The following TGFBR3 variants were observed in gnomAD, a reference collection of about 807,000 sequenced individuals.
The protein encoded by TGFBR3 is transforming growth factor beta receptor 3.
Under a neutral mutation model 87.9 loss-of-function variants are expected in TGFBR3, and 46 were observed. The observed-to-expected ratio is 0.52, with a 90% CI of 0.41 to 0.67. TGFBR3 has a LOEUF of 0.67. Among genes scored for constraint, TGFBR3 ranks in the 30% least tolerant of loss-of-function variants. The pLI is 0.00. For synonymous variants in TGFBR3, 381 were observed against 391.6 expected (o/e 0.97, Z 0.32); for missense variants, 866 against 1,041.9 (o/e 0.83, Z 2.32).
Position 91,681,138 on chromosome 1 carries a change from A to G in TGFBR3, c.*2601T>C, listed in dbSNP as rs1020128274. ...CTGAAATACAACAATACTTTTAAAG[A>G]AACTTGTAGTACACGTTATAAAAGT... On this transcript the variant is annotated 3_prime_UTR_variant, in exon 17 of 17. Transcript: ENST00000212355. 2 of 454,036 alleles carry G rather than the reference A, an allele frequency of 4.4e-6. No homozygotes were observed. The highest frequency in any genetic ancestry group is 4.0e-5 in the African/African-American group (2 of 50,014). The allele number at this position is 454,036 out of a possible 1,614,324, so 28.1% of individuals were successfully genotyped here.
At chr1:91,905,006 T>C (rs1302372555) in intron 1 of TGFBR3, among the ~76,000 whole-genome samples, 1 of 152,150 alleles carries the variant, frequency 6.6e-6, no homozygotes, top group Non-Finnish European at 1.5e-5. Flanking sequence ...GGCCAGATTC[T>C]TTACCTGTAA....
rs61260637 is a variant in TGFBR3, at chr1:91,882,040, A to AAAATAAATAAATAAAT, written c.-114+3822_-114+3837dup. Among the ~76,000 whole-genome samples, 60 of 146,450 alleles carry AAAATAAATAAATAAAT rather than the reference A, an allele frequency of 4.1e-4. 1 individual carries two copies. The highest frequency in any genetic ancestry group is 4.0e-4 in the East Asian group (2 of 4,996). On this transcript the variant is annotated intron_variant, in intron 1 of 16. Transcript: ENST00000212355. ...GACGACAGAGCGAAACTTTGTCTCA[A>AAAATAAATAAATAAAT]AAATAAATAAATAAATAAATAATAA...
chr1:91,740,564 C>T (rs11165410), intron 4 of TGFBR3, among the ~76,000 whole-genome samples: 48,470 of 151,856 alleles, frequency 0.32, 7,790 homozygotes, highest in Middle Eastern at 0.38. Flanking sequence ...AGGGTTTCAC[C>T]AGGTTGTCCA....
intron 14 of TGFBR3, among the ~76,000 whole-genome samples, chr1:91,704,864 C>T (rs190123744): frequency 4.5e-4 from 69 of 152,336 alleles, no homozygotes; most frequent in South Asian, 1.2e-3. Context: ...TGCCTACTTT[C>T]CTGTCCACAG....
chr1:91,719,548 C>A, intron 9 of TGFBR3, 84 bp from the exon 10 acceptor site: 1 of 1,560,056 alleles, frequency 6.4e-7, no homozygotes, highest in South Asian at 1.1e-5. Flanking sequence ...ATTGCCTGGT[C>A]TTCCAAGGAC....
At chr1:91,824,504 A>C (rs1378010942) in intron 2 of TGFBR3, among the ~76,000 whole-genome samples, 1 of 152,244 alleles carries the variant, frequency 6.6e-6, no homozygotes, top group Non-Finnish European at 1.5e-5. Flanking sequence ...AGAGCATCTG[A>C]CATGCCATGG....
At chr1:91,833,855 T>C (rs1336210930) in intron 2 of TGFBR3, among the ~76,000 whole-genome samples, 1 of 151,264 alleles carries the variant, frequency 6.6e-6, no homozygotes, top group Non-Finnish European at 1.5e-5. Context: ...CCTAAATATA[T>C]GTCCTAATTC....
chr1:91,692,656 C>A (rs975274929), intron 16 of TGFBR3, among the ~76,000 whole-genome samples: 6 of 152,112 alleles, frequency 3.9e-5, no homozygotes, highest in African/African-American at 1.4e-4. Context: ...CCCCTCCTCT[C>A]TACAGCATCT....
rs1297729682 is a variant in TGFBR3 at position 91,865,899 on chromosome 1, G to A, written c.-113-4255C>T. Among the ~76,000 whole-genome samples the A allele has an allele frequency of 1.5e-4, 21 of 141,902 alleles. 1 individual carries two copies. The highest frequency in any genetic ancestry group is 5.1e-4 in the Admixed American group (7 of 13,798). The allele number at this position is 141,902 out of a possible 152,430, so 93.1% of individuals were successfully genotyped here. A position where few individuals can be genotyped will look rare whatever the true frequency, so the allele number is the denominator to read the frequency against. On this transcript the variant is annotated intron_variant, in intron 1 of 16. Transcript: ENST00000212355. ...TGCACTCCAGCCTGGGTGACAGAGC[G>A]AGACTACGTCTCCCAAAAAAAAAAA...
intron 4 of TGFBR3, among the ~76,000 whole-genome samples, chr1:91,748,253 T>G (rs1673414881): frequency 6.6e-6 from 1 of 152,124 alleles, no homozygotes; most frequent in Non-Finnish European, 1.5e-5. Context: ...TACATTGAAG[T>G]CTCTGAAGAT....
intron 2 of TGFBR3, among the ~76,000 whole-genome samples, chr1:91,858,940 C>T (rs1678070359): frequency 6.6e-6 from 1 of 151,854 alleles, no homozygotes; most frequent in Non-Finnish European, 1.5e-5. Context: ...CCTGTAATCC[C>T]AGCTACTCAG....
chr1:91,784,950 T>G (rs1321287919), intron 3 of TGFBR3, among the ~76,000 whole-genome samples: 1 of 152,204 alleles, frequency 6.6e-6, no homozygotes, highest in Non-Finnish European at 1.5e-5. Context: ...GAATAGTAAC[T>G]ATTTAAAGCT....
intron 4 of TGFBR3, among the ~76,000 whole-genome samples, chr1:91,744,495 T>A (rs1673267457): frequency 6.6e-6 from 1 of 152,222 alleles, no homozygotes; most frequent in African/African-American, 2.4e-5. Flanking sequence ...TCCTCCAATT[T>A]GACCCTAAGA....
At chr1:91,893,828 T>A (rs1679494557) in intron 2 of TGFBR3, among the ~76,000 whole-genome samples, 1 of 151,980 alleles carries the variant, frequency 6.6e-6, no homozygotes, top group South Asian at 2.1e-4. Flanking sequence ...TCAAAAAGCG[T>A]TCAGTCAGTT....
intron 2 of TGFBR3, among the ~76,000 whole-genome samples, chr1:91,806,775 T>C (rs925673310): frequency 5.9e-5 from 9 of 152,198 alleles, no homozygotes; most frequent in African/African-American, 1.7e-4. Flanking sequence ...AATAAGGTTT[T>C]TGTTATTGTC....
At chr1:91,766,722 C>T (rs1461939044) in intron 3 of TGFBR3, among the ~76,000 whole-genome samples, 1 of 133,490 alleles carries the variant, frequency 7.5e-6, no homozygotes, top group East Asian at 2.0e-4. Flanking sequence ...TAGATTCTCA[C>T]CATTTGCATC....
At chr1:91,876,571 C>T (rs1308800951) in intron 1 of TGFBR3, among the ~76,000 whole-genome samples, 1 of 151,918 alleles carries the variant, frequency 6.6e-6, no homozygotes, top group Admixed American at 6.6e-5. Flanking sequence ...TAAAAAAATT[C>T]ATATAACAAA....
At chr1:91,719,054 G>A (rs1014811029) in intron 10 of TGFBR3, among the ~76,000 whole-genome samples, 3 of 152,156 alleles carry the variant, frequency 2.0e-5, no homozygotes, top group Admixed American at 6.5e-5. Flanking sequence ...CCTTGACAGT[G>A]CAGCCTTTGT....
intron 3 of TGFBR3, among the ~76,000 whole-genome samples, chr1:91,764,866 C>T (rs755752993): frequency 2.6e-5 from 4 of 152,100 alleles, no homozygotes; most frequent in Non-Finnish European, 5.9e-5. Flanking sequence ...TTCCCCCTCC[C>T]TCAGACAGAG....
Sources: allele counts gnomAD v4.1 joint callset (sites outside exome capture counted in the v4.1 genomes callset), GRCh38; gene constraint gnomAD v4.1.1; transcripts MANE v1.5; gene names NCBI Gene and HGNC (gene_info 2026-07-23, HGNC 2026-07-21).